Variants in SIK3 observed in about 807,000 individuals in gnomAD.
The protein encoded by SIK3 is serine/threonine-protein kinase SIK3.
A neutral mutation model predicts 144.2 loss-of-function variants in SIK3; 28 were observed. The observed-to-expected ratio is 0.19, with a 90% CI of 0.14 to 0.27. SIK3 has a LOEUF of 0.27. Ranked by LOEUF, SIK3 falls within the 10% of genes least tolerant of loss-of-function variation. SIK3 has a pLI of 1.00. For synonymous variants in SIK3, 686 were observed against 676.3 expected (o/e 1.01, Z -0.22); for missense variants, 1,319 against 1,776.0 (o/e 0.74, Z 4.62).
Position 116,860,243 on chromosome 11 carries a change from C to CA in SIK3, c.2426-640dup, listed in dbSNP as rs199929948. Among the ~76,000 whole-genome samples the CA allele has an allele frequency of 6.7e-3, 748 of 111,132 alleles. 4 individuals carry two copies. Among genetic ancestry groups the CA allele is most frequent in the East Asian group, 0.013 (51 of 3,854 alleles). 72.9% of individuals were successfully genotyped at this position (111,132 alleles called of 152,430 possible). ...TGGGTGACAGGGGGAGACTCCATCTCAAAAAAAAAAAAAACAGACTCTAAC... is the reference window on the plus strand; with the variant it reads ...TGGGTGACAGGGGGAGACTCCATCTCAAAAAAAAAAAAAAACAGACTCTAAC... On this transcript the variant is annotated intron_variant, in intron 19 of 24. Transcript: ENST00000445177.
intron 19 of SIK3, among the ~76,000 whole-genome samples, chr11:116,860,374 A>G (rs984220309): frequency 6.6e-6 from 1 of 152,154 alleles, no homozygotes; most frequent in African/African-American, 2.4e-5. Flanking sequence ...ACTCTTCTCA[A>G]GGATCCTAGG....
In SIK3 at chr11:116,865,394, C is replaced by G. The variant is rs1225793009; in HGVS notation, c.1953-1576G>C. On this transcript the variant is annotated intron_variant, in intron 15 of 24. Transcript: ENST00000445177. ...GACTGATACCCAGGTCAGTCCAGCA[C>G]AGTAACCTCAGAGGAACGGTTCTGA... Among the ~76,000 whole-genome samples, 18 of 152,142 alleles carry G rather than the reference C, an allele frequency of 1.2e-4. 1 individual carries two copies. Among genetic ancestry groups the G allele is most frequent in the Admixed American group, 1.2e-3 (18 of 15,262 alleles).
intron 1 of SIK3, among the ~76,000 whole-genome samples, chr11:116,981,403 C>T (rs1470889476): frequency 4.7e-4 from 72 of 152,316 alleles, no homozygotes; most frequent in Non-Finnish European, 1.5e-5. Flanking sequence ...CAAGAATGAG[C>T]ATCCCAAGAG....
chr11:117,035,870 G>A, intron 1 of SIK3: 1 of 1,595,656 alleles, frequency 6.3e-7, no homozygotes, highest in Non-Finnish European at 8.5e-7. Flanking sequence ...GCAGAGGACA[G>A]TGGAGCAGCC....
At chr11:116,942,996 A>T (rs1218572864) in intron 3 of SIK3, among the ~76,000 whole-genome samples, 1 of 152,194 alleles carries the variant, frequency 6.6e-6, no homozygotes, top group South Asian at 2.1e-4. Context: ...GCAAGACATG[A>T]TGGTGGCTTA....
intron 7 of SIK3, among the ~76,000 whole-genome samples, chr11:116,876,704 C>G (rs551071642): frequency 6.6e-6 from 1 of 152,204 alleles, no homozygotes; most frequent in Non-Finnish European, 1.5e-5. Context: ...CAAAAACAGA[C>G]GATAATTTGG....
intron 4 of SIK3, among the ~76,000 whole-genome samples, chr11:116,913,693 A>G (rs1472286603): frequency 6.6e-6 from 1 of 152,250 alleles, no homozygotes; most frequent in African/African-American, 2.4e-5. Flanking sequence ...TAAAAGCCTA[A>G]TCATTTAATC....
chr11:116,856,235 T>C (rs1271281357), intron 21 of SIK3, among the ~76,000 whole-genome samples: 1 of 151,932 alleles, frequency 6.6e-6, no homozygotes, highest in Non-Finnish European at 1.5e-5. Context: ...TCATCTCCTT[T>C]TCATGCCAAC....
intron 4 of SIK3, among the ~76,000 whole-genome samples, chr11:116,906,998 A>C (rs1228270484): frequency 6.6e-6 from 1 of 152,192 alleles, no homozygotes; most frequent in Non-Finnish European, 1.5e-5. Flanking sequence ...TCCCAGAAAG[A>C]CTTGGAACTG....
chr11:116,999,178 A>G (rs1950769683), intron 1 of SIK3, among the ~76,000 whole-genome samples: 3 of 152,242 alleles, frequency 2.0e-5, no homozygotes, highest in Admixed American at 2.0e-4. Context: ...ATGTTAGAAC[A>G]GTTCTGGAAT....
intron 1 of SIK3, among the ~76,000 whole-genome samples, chr11:117,038,861 C>A (rs1331425936): frequency 6.6e-6 from 1 of 151,756 alleles, no homozygotes. Context: ...ACCATCCTGG[C>A]CAAAATGGTG....
At chr11:117,036,775 TAACTC>T (rs1377106954) in intron 1 of SIK3, among the ~76,000 whole-genome samples, 3 of 152,190 alleles carry the variant, frequency 2.0e-5, no homozygotes, top group Admixed American at 2.0e-4. Flanking sequence ...AAACATGAAA[TAACTC>T]AGATGAAAGT....
At chr11:116,895,099 T>A (rs982951649) in intron 6 of SIK3, among the ~76,000 whole-genome samples, 1 of 152,180 alleles carries the variant, frequency 6.6e-6, no homozygotes, top group Non-Finnish European at 1.5e-5. Flanking sequence ...AGTCTTTACA[T>A]TAACTAGGCC....
At chr11:117,002,419 T>A (rs1336284744) in intron 1 of SIK3, among the ~76,000 whole-genome samples, 3 of 152,188 alleles carry the variant, frequency 2.0e-5, no homozygotes, top group Non-Finnish European at 2.9e-5. Context: ...GGACAGCCCT[T>A]AAGTAGGCTG....
chr11:116,951,671 A>G (rs2135374328), intron 3 of SIK3, among the ~76,000 whole-genome samples: 1 of 152,300 alleles, frequency 6.6e-6, no homozygotes, highest in African/African-American at 2.4e-5. Flanking sequence ...GCAGTAGCTC[A>G]TGCCTATAAT....
chr11:116,890,520 T>G (rs1165025288), intron 6 of SIK3, among the ~76,000 whole-genome samples: 1 of 152,182 alleles, frequency 6.6e-6, no homozygotes, highest in African/African-American at 2.4e-5. Flanking sequence ...GATCCTGTGG[T>G]AGGTTATTGA....
intron 1 of SIK3, among the ~76,000 whole-genome samples, chr11:117,070,443 C>CTTTT (rs34756068): frequency 6.8e-6 from 1 of 146,684 alleles, no homozygotes. Flanking sequence ...TGAACAATAC[C>CTTTT]TTTTTTTTTT....
intron 4 of SIK3, among the ~76,000 whole-genome samples, chr11:116,917,697 G>C (rs1946722353): frequency 6.6e-6 from 1 of 151,506 alleles, no homozygotes; most frequent in African/African-American, 2.4e-5. Flanking sequence ...CGACAGGAAG[G>C]GAGGGAGGGA....
At chr11:116,921,786 G>C (rs185690725) in intron 4 of SIK3, among the ~76,000 whole-genome samples, 1 of 152,246 alleles carries the variant, frequency 6.6e-6, no homozygotes, top group Non-Finnish European at 1.5e-5. Context: ...ACACGGATTT[G>C]TTACTAATAA....
Sources: allele counts gnomAD v4.1 joint callset (sites outside exome capture counted in the v4.1 genomes callset), GRCh38; gene constraint gnomAD v4.1.1; transcripts MANE v1.5; gene names NCBI Gene and HGNC (gene_info 2026-07-23, HGNC 2026-07-21).